Variants in RIF1 observed in about 807,000 individuals in gnomAD.
RIF1 encodes telomere-associated protein RIF1.
A neutral mutation model predicts 247.1 loss-of-function variants in RIF1; 45 were observed. The ratio of observed to expected loss-of-function variants is 0.18; its 90% CI spans 0.14 to 0.23. The LOEUF is 0.23. RIF1 is among the 10% of genes least tolerant of loss of function. RIF1 has a pLI of 1.00. For synonymous variants in RIF1, 1,087 were observed against 978.8 expected (o/e 1.11, Z -2.06); for missense variants, 2,967 against 2,862.5 (o/e 1.04, Z -0.83).
intron 27 of RIF1, 50 bp from the exon 28 acceptor site, chr2:151,462,192 G>T (rs780138376): frequency 2.3e-6 from 3 of 1,282,922 alleles, no homozygotes; most frequent in Non-Finnish European, 3.3e-6. Context: ...ATTTCTAATT[G>T]TAAGAATATC....
the RIF1 span, chr2:151,527,704 A>G: frequency 1.4e-6 from 1 of 698,378 alleles, no homozygotes; most frequent in Non-Finnish European, 2.4e-6. Context: ...TCCTAATGCA[A>G]GAGGAAGCCC....
the RIF1 span, chr2:151,526,208 C>G: frequency 4.3e-6 from 7 of 1,613,916 alleles, no homozygotes; most frequent in Non-Finnish European, 4.2e-6. Flanking sequence ...TGAGGCGTGT[C>G]AGGTACGGCA....
At chr2:151,473,830 A>C in intron 34 of RIF1, 134 bp from the exon 35 acceptor site, 1 of 651,012 alleles carries the variant, frequency 1.5e-6, no homozygotes, top group Non-Finnish European at 2.8e-6. Flanking sequence ...ATTAGCTCTT[A>C]ATTGTGATGG....
At chr2:151,432,290 G>C (rs1357525110) in intron 9 of RIF1, among the ~76,000 whole-genome samples, 1 of 152,174 alleles carries the variant, frequency 6.6e-6, no homozygotes, top group Admixed American at 6.5e-5. Flanking sequence ...GATTATAGGC[G>C]TGAACCACCA....
chr2:151,419,620 G>A (rs1203757276), intron 6 of RIF1, among the ~76,000 whole-genome samples: 4 of 152,000 alleles, frequency 2.6e-5, no homozygotes, highest in Non-Finnish European at 4.4e-5. Flanking sequence ...CACTGCACCC[G>A]GCCGGTCATT....
chr2:151,526,931 A>G, the RIF1 span: 1 of 1,593,118 alleles, frequency 6.3e-7, no homozygotes, highest in African/African-American at 1.3e-5. Context: ...ACTTTCTATT[A>G]AAGTATTCCT....
At chr2:151,498,902 A>AAG (rs1460845238) in intron 10 of RIF1, among the ~76,000 whole-genome samples, 2 of 152,156 alleles carry the variant, frequency 1.3e-5, no homozygotes, top group Non-Finnish European at 2.9e-5. Flanking sequence ...AAAAAAAAGA[A>AAG]ACTTCAAAAT....
Position 151,462,342 on chromosome 2 carries a change from A to C in RIF1, c.3308+20A>C, listed in dbSNP as rs1337585211. ...GCCTATGTAAGTACAGAAGCCATCA[A>C]ACTTTTATATCTGTTTTATTCATTT... On this transcript the variant is annotated intron_variant, in intron 28 of 35. Transcript: ENST00000444746. 2 of 1,508,948 alleles carry C rather than the reference A, an allele frequency of 1.3e-6. No homozygotes were observed. Among genetic ancestry groups the C allele is most frequent in the Admixed American group, 1.9e-5 (1 of 53,436 alleles). The allele number at this position is 1,508,948 out of a possible 1,614,324, so 93.5% of individuals were successfully genotyped here.
At chr2:151,427,122 G>A (rs1298507961) in intron 8 of RIF1, among the ~76,000 whole-genome samples, 2 of 151,550 alleles carry the variant, frequency 1.3e-5, no homozygotes, top group African/African-American at 2.4e-5. Context: ...ATTATATGTG[G>A]TTTATAGCCT....
At chr2:151,516,394 T>C in the RIF1 span, 1 of 1,138,158 alleles carries the variant, frequency 8.8e-7, no homozygotes, top group Admixed American at 2.0e-5. Context: ...GGCCATGTCA[T>C]GGGCAGAGCT....
chr2:151,435,669 T>A (rs1315866824), intron 11 of RIF1, 89 bp downstream of exon 11: 6 of 682,530 alleles, frequency 8.8e-6, no homozygotes, highest in Non-Finnish European at 1.3e-5. Flanking sequence ...AAAAAAGGCT[T>A]TGAGAGGTTT....
In RIF1 at chr2:151,468,647, G is replaced by C; in HGVS notation, c.6832G>C (p.Glu2278Gln). Reference sequence around the variant, plus strand: ...TTCTGAAATTTATTCTAAGATTTCAGAAATGGCCAAAGAATCCATACCATG... The same window carrying C: ...TTCTGAAATTTATTCTAAGATTTCACAAATGGCCAAAGAATCCATACCATG... ...FKSSKKCLIS[E>Q]MAKESIPCPT... Residue 2278 changes from glutamate to glutamine, a missense_variant, in exon 33 of 36, where the codon GAA becomes CAA. Glu to Gln is a conservative substitution (Grantham distance 29). Coordinates refer to ENST00000444746, the MANE Select transcript of RIF1 (RefSeq NM_018151.5). 6.2e-7 allele frequency: 1 copy of C among 1,613,728 alleles called. No homozygotes were observed. The highest frequency in any genetic ancestry group is 1.6e-4 in the Middle Eastern group (1 of 6,062).
chr2:151,533,893 GTTGT>G, the RIF1 span, among the ~76,000 whole-genome samples: 12 of 152,082 alleles, frequency 7.9e-5, no homozygotes, highest in South Asian at 2.1e-4. Context: ...GTTTTTTGTT[GTTGT>G]TTGTTTATTT....
chr2:151,412,926 G>A (rs898026963), intron 3 of RIF1, among the ~76,000 whole-genome samples: 4 of 152,026 alleles, frequency 2.6e-5, no homozygotes, highest in African/African-American at 4.8e-5. Flanking sequence ...TTGTGTGCTA[G>A]TTACTTAATA....
intron 3 of RIF1, 134 bp downstream of exon 3, chr2:151,411,472 G>T: frequency 1.8e-6 from 1 of 571,418 alleles, no homozygotes; most frequent in African/African-American, 1.9e-5. Flanking sequence ...GCTCGGGCTC[G>T]GCTCACTGAA....
intron 20 of RIF1, among the ~76,000 whole-genome samples, chr2:151,451,184 A>G (rs1694255191): frequency 6.6e-6 from 1 of 152,188 alleles, no homozygotes; most frequent in African/African-American, 2.4e-5. Flanking sequence ...TACATATCCT[A>G]AGCAGAACGT....
chr2:151,522,806 C>T, the RIF1 span, among the ~76,000 whole-genome samples: 2 of 152,154 alleles, frequency 1.3e-5, no homozygotes, highest in African/African-American at 4.8e-5. Context: ...CAGCGCCGTG[C>T]CCTCTCCTTT....
At chr2:151,455,649 G>T (rs1013935627) in intron 22 of RIF1, among the ~76,000 whole-genome samples, 2 of 134,596 alleles carry the variant, frequency 1.5e-5, no homozygotes, top group East Asian at 4.1e-4. Context: ...GGAATCTAGA[G>T]ATGATTTAAA....
At chr2:151,417,465 A>G (rs1197257138) in intron 6 of RIF1, among the ~76,000 whole-genome samples, 2 of 152,210 alleles carry the variant, frequency 1.3e-5, no homozygotes, top group African/African-American at 2.4e-5. Flanking sequence ...ATCCTTTTCT[A>G]TAACAATGAT....
Sources: gnomAD v4.1 joint callset for allele counts (sites outside exome capture counted in the v4.1 genomes callset) on GRCh38, gnomAD v4.1.1 for gene constraint, MANE v1.5 for transcripts, NCBI Gene and HGNC (gene_info 2026-07-23, HGNC 2026-07-21) for gene names.